Variants in MZT2B observed in about 807,000 individuals in gnomAD.
MZT2B encodes the protein mitotic spindle organizing protein 2B.
MZT2B carries 11 observed loss-of-function variants against 12.1 expected under a neutral mutation model. The observed-to-expected ratio is 0.91, with a 90% confidence interval of 0.57 to 1.50. MZT2B has a LOEUF of 1.50. Among genes scored for constraint, MZT2B ranks in the 40% most tolerant of loss-of-function variants. The pLI is 0.00. For missense variants in MZT2B, 209 were observed against 227.7 expected, an observed-to-expected ratio of 0.92 and a Z score of 0.53; for synonymous variants, 85 against 109.5, an observed-to-expected ratio of 0.78 and a Z score of 1.40.
At chr2:130,183,482 G>A in intron 2 of MZT2B, 1 of 496,592 alleles carries the variant, frequency 2.0e-6, no homozygotes, top group Non-Finnish European at 3.7e-6. Context: ...GAGTGTCATG[G>A]TGGAGCCTCT....
intron 2 of MZT2B, among the ~76,000 whole-genome samples, chr2:130,187,026 G>A (rs1320234333): frequency 6.9e-6 from 1 of 143,992 alleles, no homozygotes; most frequent in Non-Finnish European, 1.5e-5. Flanking sequence ...AGACCAGCCT[G>A]GGCAAAATAG....
At chr2:130,203,527 G>A in the MZT2B span, among the ~76,000 whole-genome samples, 4 of 151,958 alleles carry the variant, frequency 2.6e-5, no homozygotes, top group Non-Finnish European at 5.9e-5. Context: ...TGTCAGTGCA[G>A]CTGAACTTGT....
the MZT2B span, among the ~76,000 whole-genome samples, chr2:130,204,685 C>G: frequency 8.7e-6 from 1 of 114,464 alleles, no homozygotes; most frequent in Non-Finnish European, 1.7e-5. Flanking sequence ...GAGCAAAACT[C>G]TGTCTCAAAA....
At chr2:130,202,389 C>T in the MZT2B span, 1 of 1,290,708 alleles carries the variant, frequency 7.7e-7, no homozygotes, top group Non-Finnish European at 1.0e-6. Context: ...GCTACGGGGG[C>T]CAGAGAAGCA....
At chr2:130,194,624 A>C (rs970757932), downstream of MZT2B, among the ~76,000 whole-genome samples, 2 of 152,202 alleles carry the variant, frequency 1.3e-5, no homozygotes, top group Non-Finnish European at 2.9e-5. Flanking sequence ...AAAAGCAAAG[A>C]TCTACGGACA....
At chr2:130,201,679 G>A in the MZT2B span, among the ~76,000 whole-genome samples, 1 of 152,172 alleles carries the variant, frequency 6.6e-6, no homozygotes, top group African/African-American at 2.4e-5. Flanking sequence ...ATCACACGGT[G>A]CTCTTCAGTC....
At chr2:130,184,774 A>G (rs1199619602) in intron 2 of MZT2B, 12 of 985,248 alleles carry the variant, frequency 1.2e-5, no homozygotes, top group Non-Finnish European at 1.4e-5. Context: ...CTCAGCACTC[A>G]CTCAGGGCTC....
intron 2 of MZT2B, chr2:130,184,014 C>T (rs766470783): frequency 7.1e-6 from 11 of 1,550,428 alleles, no homozygotes; most frequent in Admixed American, 2.0e-5. Context: ...TCCCTTGTTT[C>T]CATGGAAACT....
At chr2:130,188,725 G>C (rs546630652) in intron 2 of MZT2B, among the ~76,000 whole-genome samples, 17 of 152,262 alleles carry the variant, frequency 1.1e-4, no homozygotes, top group African/African-American at 3.4e-4. Context: ...CAAAAGGAGG[G>C]CCGTCCTATC....
chr2:130,182,741 GTC>G lies in MZT2B; in HGVS notation c.289_290del (p.Leu97AlafsTer84). ...GCGAGCCCCAGGACCCTGCGGCCGT[GTC>G]TCTGCCCACGTCGAGCGTGCCCGAG... is the stretch of plus-strand genomic sequence containing the variant. ...ASEPQDPAAV[S>X]LPTSSVPETR... On this transcript the variant is annotated frameshift_variant, in exon 2 of 3. Transcript: ENST00000281871. LOFTEE classifies it high-confidence loss of function. 6.6e-7 allele frequency: 1 copy of G among 1,526,218 alleles called. No homozygotes were observed. Among genetic ancestry groups the G allele is most frequent in the Non-Finnish European group, 8.8e-7 (1 of 1,132,886 alleles). 94.5% of individuals were successfully genotyped at this position (1,526,218 alleles called of 1,614,324 possible).
chr2:130,191,994 A>G, downstream of MZT2B: 2 of 1,613,990 alleles, frequency 1.2e-6, no homozygotes, highest in South Asian at 2.2e-5. Flanking sequence ...GGCATACATG[A>G]GATCGAACTT....
At chr2:130,193,072 G>A (rs111245733), downstream of MZT2B, among the ~76,000 whole-genome samples, 2,460 of 146,170 alleles carry the variant, frequency 0.017, 54 homozygotes, top group African/African-American at 0.058. Context: ...CAACCTGGAC[G>A]ACAGAGCAAG....
intron 2 of MZT2B, chr2:130,188,248 A>G (rs954229152): frequency 6.2e-6 from 1 of 160,524 alleles, no homozygotes; most frequent in African/African-American, 2.4e-5. Context: ...GGGAGCTGAG[A>G]GCGCATGGGC....
chr2:130,199,010 C>T, the MZT2B span, among the ~76,000 whole-genome samples: 3 of 123,518 alleles, frequency 2.4e-5, no homozygotes, highest in African/African-American at 8.7e-5. Flanking sequence ...CAAGAGTTCC[C>T]GAGACCAGCC....
downstream of MZT2B, chr2:130,194,325 G>T (rs368062201): frequency 8.3e-5 from 134 of 1,612,952 alleles, no homozygotes; most frequent in African/African-American, 1.4e-3. Context: ...TGGGGGGCTG[G>T]GTAAATGGCA....
At chr2:130,196,463 G>C in the MZT2B span, 7,369 of 1,502,478 alleles carry the variant, frequency 4.9e-3, 54 homozygotes, top group Admixed American at 0.016. Flanking sequence ...TATTTATATA[G>C]TGCTTCAGTA....
the MZT2B span, among the ~76,000 whole-genome samples, chr2:130,196,821 C>A: frequency 6.6e-6 from 1 of 152,168 alleles, no homozygotes; most frequent in African/African-American, 2.4e-5. Context: ...CCTCTCTCTG[C>A]CCCCCAGTTC....
At chr2:130,202,865 T>C in the MZT2B span, among the ~76,000 whole-genome samples, 1 of 152,138 alleles carries the variant, frequency 6.6e-6, no homozygotes, top group Non-Finnish European at 1.5e-5. Context: ...CCATGCCCCC[T>C]GCTCTTAGAA....
the MZT2B span, chr2:130,202,425 G>C: frequency 2.3e-6 from 3 of 1,290,572 alleles, no homozygotes; most frequent in Non-Finnish European, 2.0e-6. Flanking sequence ...GCAGGAGAAG[G>C]AGGACATGCA....
Sources: allele counts gnomAD v4.1 joint callset (sites outside exome capture counted in the v4.1 genomes callset), GRCh38; gene constraint gnomAD v4.1.1; transcripts MANE v1.5; gene names NCBI Gene and HGNC (gene_info 2026-07-23, HGNC 2026-07-21).